NABP1: variants seen among roughly 807,000 people sequenced by gnomAD.
The protein encoded by NABP1 is nucleic acid binding protein 1.
In NABP1, 18 loss-of-function variants were observed where a neutral mutation model predicts 25.0. That is an observed-to-expected ratio of 0.72 (90% confidence interval 0.50 to 1.07). The LOEUF is 1.07. Ranked by LOEUF, NABP1 falls within the 50% of genes least tolerant of loss-of-function variation. The pLI, the probability that NABP1 is intolerant of heterozygous loss-of-function variation, is 0.00. For missense variants in NABP1, 270 were observed against 255.6 expected, an observed-to-expected ratio of 1.06 and a Z score of -0.39; for synonymous variants, 71 against 85.0, an observed-to-expected ratio of 0.84 and a Z score of 0.91.
chr2:191,680,925 T>C (rs1457274151), intron 2 of NABP1, among the ~76,000 whole-genome samples: 1 of 152,202 alleles, frequency 6.6e-6, no homozygotes, highest in Non-Finnish European at 1.5e-5. Flanking sequence ...CTAAGAAAAG[T>C]AGCTTTTGAA....
At chr2:191,682,833 G>A in intron 3 of NABP1, 11 of 249,870 alleles carry the variant, frequency 4.4e-5, no homozygotes, top group South Asian at 8.3e-5. Flanking sequence ...TAATAATGAA[G>A]GAAAAGAAAT....
chr2:191,683,269 C>T lies in NABP1; in HGVS notation c.303-460C>T, dbSNP rs942991728. On this transcript the variant is annotated intron_variant, in intron 3 of 5. Coordinates refer to ENST00000425611, the MANE Select transcript of NABP1 (RefSeq NM_001031716.5). This position sits in a 1 kb window ranked among gnomAD's most constrained non-coding sequence, Gnocchi z 4.1. ...TTATTGCCTAGAAACCACTCTTAACCCTAAATGATTATCTTTGCAGATCCA... is the reference window on the plus strand; with the variant it reads ...TTATTGCCTAGAAACCACTCTTAACTCTAAATGATTATCTTTGCAGATCCA... The T allele has an allele frequency of 2.7e-5, 5 of 184,338 alleles. No individual in the cohort carries two copies. Among genetic ancestry groups the T allele is most frequent in the African/African-American group, 1.2e-4 (5 of 41,548 alleles). The allele number at this position is 184,338 out of a possible 1,614,324, so 11.4% of individuals were successfully genotyped here.
chr2:191,678,781 C>T, intron 1 of NABP1, 76 bp downstream of exon 1: 1 of 1,409,474 alleles, frequency 7.1e-7, no homozygotes, highest in Admixed American at 2.1e-5. Context: ...GGCCGCTGCG[C>T]GCCCGGGGCT....
intron 4 of NABP1, 35 bp from the exon 5 acceptor site, chr2:191,684,195 A>C (rs759183684): frequency 3.1e-6 from 4 of 1,309,536 alleles, no homozygotes; most frequent in Middle Eastern, 3.8e-4. Context: ...TTGTGTTTTT[A>C]TTCTCGTTTG....
At chr2:191,684,415 T>A in intron 5 of NABP1, 119 bp downstream of exon 5, 1 of 597,572 alleles carries the variant, frequency 1.7e-6, no homozygotes, top group Non-Finnish European at 2.7e-6. Flanking sequence ...GAACTACCAG[T>A]AAACAGGGAA....
intron 3 of NABP1, chr2:191,682,848 A>G (rs1291495357): frequency 3.8e-6 from 1 of 262,300 alleles, no homozygotes; most frequent in Non-Finnish European, 7.7e-6. Context: ...AGAAATGATC[A>G]TGCTAGCTTT....
rs1558988442 is a variant in NABP1, at chr2:191,685,764, G to A, written c.611G>A (p.Arg204Lys). 6.2e-6 allele frequency: 10 copies of A among 1,613,916 alleles called. No homozygotes were observed. The highest frequency in any genetic ancestry group is 8.5e-6 in the Non-Finnish European group (10 of 1,179,898). ...AGGGACCCTCGGAGAGCCTTTAAAA[G>A]ATGACCTATGCTAAATACTCATGTG... Reference protein sequence around the residue: ...NGRDPRRAFKR With the variant: ...NGRDPRRAFKK The change falls in exon 6 of 6, where the codon AGA becomes AAA. Residue 204 changes from arginine to lysine, a missense_variant. By Grantham distance (26) the Arg-to-Lys change is conservative. Coordinates refer to ENST00000425611, the MANE Select transcript of NABP1 (RefSeq NM_001031716.5).
At chr2:191,684,193 T>C in intron 4 of NABP1, 37 bp from the exon 5 acceptor site, 1 of 1,297,994 alleles carries the variant, frequency 7.7e-7, no homozygotes, top group Non-Finnish European at 1.1e-6. Context: ...AATTGTGTTT[T>C]TATTCTCGTT....
chr2:191,678,534 C>T lies in NABP1; in HGVS notation c.-81C>T. ...GCCCAAGGTCGCCCCTCTGCCTTCG[C>T]CCCTGTCCCGGGAGGGTGGGAAGCT... On this transcript the variant is annotated 5_prime_UTR_variant, in exon 1 of 6. Transcript: ENST00000425611. The T allele has an allele frequency of 1.9e-6, 2 of 1,046,854 alleles. No individual in the cohort carries two copies. Among genetic ancestry groups the T allele is most frequent in the Non-Finnish European group, 2.8e-6 (2 of 706,460 alleles). The allele number at this position is 1,046,854 out of a possible 1,614,324, so 64.8% of individuals were successfully genotyped here. A position where few individuals can be genotyped will look rare whatever the true frequency, so the allele number is the denominator to read the frequency against.
At position 191,680,306 on chromosome 2, in the gene NABP1, T is replaced by C. The variant is rs539989434; in HGVS notation, c.230+1178T>C. Among the ~76,000 whole-genome samples the C allele has an allele frequency of 9.8e-5, 15 of 152,292 alleles. No homozygotes were observed. The East Asian group carries it at 2.9e-3, about 29-fold the overall frequency. ...CCTAATAAGTAGAATCTTAGAAGTA[T>C]TGGAAAGCACTGAGAGTAGGAGCTT... On this transcript the variant is annotated intron_variant, in intron 2 of 5. Transcript: ENST00000425611.
intron 2 of NABP1, among the ~76,000 whole-genome samples, chr2:191,681,408 C>T (rs570879228): frequency 6.6e-6 from 1 of 152,172 alleles, no homozygotes; most frequent in Admixed American, 6.5e-5. Context: ...TATTAAAAAT[C>T]ACATGTTTGG....
chr2:191,681,925 T>C, intron 2 of NABP1, 21 bp from the exon 3 acceptor site: 2 of 1,415,344 alleles, frequency 1.4e-6, no homozygotes, highest in Admixed American at 2.3e-5. Flanking sequence ...TCTAAAGAAT[T>C]AATGTTTCTT....
Position 191,678,558 on chromosome 2 carries a change from C to G in NABP1, c.-57C>G. The G allele has an allele frequency of 1.5e-6, 2 of 1,344,450 alleles. No individual in the cohort carries two copies. The highest frequency in any genetic ancestry group is 2.1e-6 in the Non-Finnish European group (2 of 955,258). The allele number at this position is 1,344,450 out of a possible 1,614,324, so 83.3% of individuals were successfully genotyped here. A position where few individuals can be genotyped will look rare whatever the true frequency, so the allele number is the denominator to read the frequency against. On this transcript the variant is annotated 5_prime_UTR_variant, in exon 1 of 6. Transcript: ENST00000425611. ...GCCCCTGTCCCGGGAGGGTGGGAAG[C>G]TTTGACCCCGCCCTGCCCACTCGCG...
chr2:191,679,704 T>C (rs867498984), intron 2 of NABP1, among the ~76,000 whole-genome samples: 2 of 152,236 alleles, frequency 1.3e-5, no homozygotes, highest in Non-Finnish European at 2.9e-5. Flanking sequence ...TCTGAGTCAG[T>C]GAGTCTTTTT....
At position 191,681,962 on chromosome 2, in the gene NABP1, A is replaced by G; in HGVS notation, c.247A>G (p.Lys83Glu). 1 of 1,519,612 alleles carries G rather than the reference A, an allele frequency of 6.6e-7. No homozygotes were observed. Among genetic ancestry groups the G allele is most frequent in the Non-Finnish European group, 8.8e-7 (1 of 1,138,914 alleles). 94.1% of individuals were successfully genotyped at this position (1,519,612 alleles called of 1,614,324 possible). A position where few individuals can be genotyped will look rare whatever the true frequency, so the allele number is the denominator to read the frequency against. ...TCTCTCTAGGTATGCATCCATGTGG[A>G]AAGGATGTCTGACACTTTATACTGG... Reference protein sequence around the residue: ...RLTRGYASMWKGCLTLYTGRG... With the variant: ...RLTRGYASMWEGCLTLYTGRG... The change falls in exon 3 of 6, where the codon AAA (lysine) becomes GAA (glutamate). Residue 83 changes from lysine to glutamate, a missense_variant. Coordinates refer to ENST00000425611, the MANE Select transcript of NABP1 (RefSeq NM_001031716.5).
At chr2:191,685,406 C>A (rs966479842) in intron 5 of NABP1, among the ~76,000 whole-genome samples, 193 bp from the exon 6 acceptor site, 17 of 151,910 alleles carry the variant, frequency 1.1e-4, no homozygotes, top group Admixed American at 2.6e-4. Flanking sequence ...TCTATTAATA[C>A]AGCATCAAGT....
chr2:191,686,181 T>C lies in NABP1; in HGVS notation c.*413T>C, dbSNP rs1286916230. ...ATATTGCCAACTAAAGCAATAACCA[T>C]CAAAAAACACAAGAACTTGTCAATG... On this transcript the variant is annotated 3_prime_UTR_variant, in exon 6 of 6. Coordinates refer to ENST00000425611, the MANE Select transcript of NABP1 (RefSeq NM_001031716.5). 1 of 153,618 alleles carries C rather than the reference T, an allele frequency of 6.5e-6. No individual in the cohort carries two copies. The highest frequency in any genetic ancestry group is 1.4e-5 in the Non-Finnish European group (1 of 69,018). 9.5% of individuals were successfully genotyped at this position (153,618 alleles called of 1,614,324 possible).
chr2:191,684,159 G>T, intron 4 of NABP1, 71 bp from the exon 5 acceptor site: 1 of 942,022 alleles, frequency 1.1e-6, no homozygotes, highest in Non-Finnish European at 1.6e-6. Context: ...AAAAAGAAAG[G>T]ATATAATAAT....
chr2:191,682,431 A>C, intron 3 of NABP1: 1 of 458,882 alleles, frequency 2.2e-6, no homozygotes, highest in Admixed American at 2.5e-5. Context: ...ATGGGTGAAT[A>C]TGTACTCATG....
Sources: gnomAD v4.1 joint callset for allele counts (sites outside exome capture counted in the v4.1 genomes callset) on GRCh38, gnomAD v4.1.1 for gene constraint, Gnocchi (gnomAD v3.1) non-coding constraint, MANE v1.5 for transcripts, NCBI Gene and HGNC (gene_info 2026-07-23, HGNC 2026-07-21) for gene names.